Variants in DIS3 observed in about 807,000 individuals in gnomAD.
DIS3 encodes the protein exosome complex exonuclease RRP44.
Under a neutral mutation model 113.0 loss-of-function variants are expected in DIS3, and 103 were observed. That is an observed-to-expected ratio of 0.91 (90% confidence interval 0.78 to 1.07). DIS3 has a LOEUF of 1.07. DIS3 is among the 50% of genes least tolerant of loss of function. The pLI is 0.00. For synonymous variants in DIS3, 402 were observed against 394.3 expected (o/e 1.02, Z -0.23); for missense variants, 1,121 against 1,167.1 (o/e 0.96, Z 0.58).
intron 3 of DIS3, among the ~76,000 whole-genome samples, chr13:72,777,695 T>C (rs1462591367): frequency 6.6e-6 from 1 of 151,810 alleles, no homozygotes; most frequent in Admixed American, 6.6e-5. Flanking sequence ...TCAAGCTACC[T>C]TCCTGCCTTA....
rs143183542 is a variant in DIS3, at chr13:72,768,836, C to T, written c.1832G>A (p.Arg611His). 2.0e-4 allele frequency: 319 copies of T among 1,609,990 alleles called. No homozygotes were observed. The African/African-American group carries it at 3.5e-3, about 17-fold the overall frequency. ...AATTTTGGCTAGTTTATTCAGTCCA[C>T]GGAGACTAGTGGTAATATCATCATT... ...NMNDDITTSL[R>H]GLNKLAKILK... Residue 611 changes from arginine (R) to histidine (H), a missense_variant, in exon 14 of 21, where the codon CGT (arginine) becomes CAT (histidine). This residue lies in a region of DIS3 where 861 missense variants were observed against 915.5 expected (regional missense o/e 0.94). Coordinates refer to ENST00000377767, the MANE Select transcript of DIS3 (RefSeq NM_014953.5).
Position 72,761,481 on chromosome 13 carries a change from T to C in DIS3, c.2552A>G (p.Tyr851Cys), listed in dbSNP as rs764019855. 11 of 1,608,222 alleles carry C rather than the reference T, an allele frequency of 6.8e-6. No homozygotes were observed. The highest frequency in any genetic ancestry group is 2.7e-5 in the African/African-American group (2 of 74,616). ...GGCATTCTTTCTTACAAATAAAATATAGGCTTCTTCACTTACTATTCCTTT... is the reference window on the plus strand; with the variant it reads ...GGCATTCTTTCTTACAAATAAAATACAGGCTTCTTCACTTACTATTCCTTT... ...KSKGIVSEEA[Y>C]ILFVRKNAIV... Residue 851 changes from tyrosine (Y) to cysteine (C), a missense_variant, in exon 19 of 21, where the codon TAT becomes TGT. Around this residue, in one of 3 missense-constraint regions of DIS3, gnomAD observed 861 missense variants for 915.5 expected, o/e 0.94. Coordinates refer to ENST00000377767, the MANE Select transcript of DIS3 (RefSeq NM_014953.5).
intron 2 of DIS3, among the ~76,000 whole-genome samples, chr13:72,779,191 G>C (rs192199615): frequency 1.3e-5 from 2 of 150,902 alleles, no homozygotes; most frequent in African/African-American, 4.9e-5. Context: ...CATGATCTCA[G>C]CTTACTGCAA....
chr13:72,763,472 A>G lies in DIS3; in HGVS notation c.2106T>C (p.Leu702=). 1 of 1,613,370 alleles carries G rather than the reference A, an allele frequency of 6.2e-7. No individual in the cohort carries two copies. The highest frequency in any genetic ancestry group is 8.5e-7 in the Non-Finnish European group (1 of 1,179,856). Residue 702 remains leucine (L), a synonymous_variant, in exon 16 of 21, where the codon CTT becomes CTC. Transcript: ENST00000377767. The part of the protein sequence containing the change: ...PAPPPSNYEI[L]VKAARSRNLE... ...TTACCCTTGACCTGGCTGCCTTAAC[A>G]AGAATTTCATAATTTGATGGAGGTG...
At position 72,754,780 on chromosome 13, in the gene DIS3, A is replaced by G. The variant is rs2033400436; in HGVS notation, c.*5015T>C. 1 of 166,930 alleles carries G rather than the reference A, an allele frequency of 6.0e-6. No individual in the cohort carries two copies. Among genetic ancestry groups the G allele is most frequent in the South Asian group, 1.8e-4 (1 of 5,476 alleles). The allele number at this position is 166,930 out of a possible 1,614,324, so 10.3% of individuals were successfully genotyped here. On this transcript the variant is annotated 3_prime_UTR_variant, in exon 21 of 21. Coordinates refer to ENST00000377767, the MANE Select transcript of DIS3 (RefSeq NM_014953.5). The stretch of plus-strand genomic sequence containing the variant: ...ACCCAGGCTAGAGTGTAGTGGCACG[A>G]CCACAGCTCACTGTAGCCTTCACCT...
chr13:72,773,600 TAG>T (rs2033936448), intron 8 of DIS3, 82 bp downstream of exon 8: 23 of 1,411,392 alleles, frequency 1.6e-5, no homozygotes, highest in Non-Finnish European at 2.2e-5. Context: ...TACATAAAAG[TAG>T]ATTGTTTTTA....
At chr13:72,779,291 T>C (rs1185827414) in intron 2 of DIS3, among the ~76,000 whole-genome samples, 1 of 152,084 alleles carries the variant, frequency 6.6e-6, no homozygotes, top group Non-Finnish European at 1.5e-5. Flanking sequence ...AGCTAATTTT[T>C]GTATTTTTAA....
intron 1 of DIS3, chr13:72,781,254 T>C: frequency 1.9e-6 from 3 of 1,549,800 alleles, no homozygotes; most frequent in Non-Finnish European, 2.6e-6. Context: ...AAGGAATACG[T>C]TGGCCCACAT....
At chr13:72,766,882 ACTAAGT>A (rs1449632106) in intron 14 of DIS3, among the ~76,000 whole-genome samples, 8 of 152,200 alleles carry the variant, frequency 5.3e-5, no homozygotes, top group Admixed American at 6.5e-5. Context: ...TAAAAGAAAC[ACTAAGT>A]CTAAGTCCTT....
Position 72,764,435 on chromosome 13 carries a change from G to A in DIS3, c.1971-828C>T, listed in dbSNP as rs191093957. Among the ~76,000 whole-genome samples, 16 of 152,226 alleles carry A rather than the reference G, an allele frequency of 1.1e-4. 1 individual carries two copies. The East Asian group carries it at 3.1e-3, about 29-fold the overall frequency. On this transcript the variant is annotated intron_variant, in intron 15 of 20. Transcript: ENST00000377767. ...AGTCATTGTGCTATAAGTACATCCTGCCCTCAACACACACACCCACAAACT... is the reference window on the plus strand; with the variant it reads ...AGTCATTGTGCTATAAGTACATCCTACCCTCAACACACACACCCACAAACT...
intron 5 of DIS3, 145 bp downstream of exon 5, chr13:72,775,780 C>CAA (rs34507729): frequency 2.2e-4 from 126 of 573,600 alleles, no homozygotes; most frequent in Non-Finnish European, 2.6e-4. Context: ...GTGAGCACTG[C>CAA]AAAAAAAAAA....
chr13:72,775,340 A>T lies in DIS3; in HGVS notation c.858T>A (p.Ala286=), dbSNP rs776275700. 3.1e-6 allele frequency: 5 copies of T among 1,613,044 alleles called. No homozygotes were observed. The South Asian group carries it at 5.5e-5, about 18-fold the overall frequency. ...CCACAGCCACAATATCTTCGTGAAC[A>T]GCTCTGTTTAAATGTTTAAGTCCCT... ...ILQGLKHLNR[A]VHEDIVAVEL... The change falls in exon 6 of 21, where the codon GCT becomes GCA. Residue 286 remains alanine (A), a synonymous_variant. Transcript: ENST00000377767.
At position 72,762,030 on chromosome 13, in the gene DIS3, A is replaced by T. The variant is rs776587477; in HGVS notation, c.2235T>A (p.Thr745=). 6.2e-7 allele frequency: 1 copy of T among 1,614,156 alleles called. No individual in the cohort carries two copies. The highest frequency in any genetic ancestry group is 1.1e-5 in the South Asian group (1 of 91,082). Reference sequence around the variant, plus strand: ...AGTACACAGCTTGCATCATACAGCGAGTGGCTAATATTCTCAACAGAGTGT... The same window carrying T: ...AGTACACAGCTTGCATCATACAGCGTGTGGCTAATATTCTCAACAGAGTGT... ...YLNTLLRILA[T]RCMMQAVYFC... is the part of the protein sequence containing the mutation. The change falls in exon 17 of 21, where the codon ACT becomes ACA. Residue 745 remains threonine, a synonymous_variant. Transcript: ENST00000377767.
intron 15 of DIS3, among the ~76,000 whole-genome samples, chr13:72,765,350 A>G (rs1012592197): frequency 1.3e-5 from 2 of 152,132 alleles, no homozygotes; most frequent in Admixed American, 6.5e-5. Flanking sequence ...TTCATAACCC[A>G]TGATCTTCAC....
rs1463989711 is a variant in DIS3 at position 72,768,898 on chromosome 13, A to T, written c.1770T>A (p.Tyr590Ter). 3 of 1,594,884 alleles carry T rather than the reference A, an allele frequency of 1.9e-6. No individual in the cohort carries two copies. The highest frequency in any genetic ancestry group is 2.7e-5 in the African/African-American group (2 of 74,358). The change falls in exon 14 of 21, where the codon TAT (tyrosine) becomes TAA (stop). Residue 590 changes from tyrosine (Y) to a stop codon, truncating the protein, a stop_gained. Coordinates refer to ENST00000377767, the MANE Select transcript of DIS3 (RefSeq NM_014953.5). LOFTEE classifies it high-confidence loss of function. ...AATCAATTCTCAACTGAGCTTCAGC[A>T]TACGTCAGAGATGCCTAAAAAAGAA... The part of the protein sequence containing the change: ...SVINSKASLT[Y>*]AEAQLRIDSA...
In DIS3 at chr13:72,759,408, T is replaced by C. The variant is rs1004122957; in HGVS notation, c.*387A>G. 5.3e-5 allele frequency: 12 copies of C among 225,964 alleles called. No homozygotes were observed. Among genetic ancestry groups the C allele is most frequent in the Admixed American group, 5.1e-4 (9 of 17,604 alleles). 14.0% of individuals were successfully genotyped at this position (225,964 alleles called of 1,614,324 possible). On this transcript the variant is annotated 3_prime_UTR_variant, in exon 21 of 21. Transcript: ENST00000377767. ...GATTGTTCCTTGCTTCTAAAATTGT[T>C]CTATTTTCCTCTGTAGGAAAATGAA...
Position 72,778,364 on chromosome 13 carries a change from GTTC to G in DIS3, c.400_402del (p.Glu134del). On this transcript the variant is annotated inframe_deletion, in exon 3 of 21. Transcript: ENST00000377767. The stretch of plus-strand genomic sequence containing the variant: ...TCATTAGCATTTTCTCCCTGTTCTT[GTTC>G]TACATAGGTTTCTCTAAATGGAAAG... 1 of 1,567,532 alleles carries G rather than the reference GTTC, an allele frequency of 6.4e-7. No individual in the cohort carries two copies. Among genetic ancestry groups the G allele is most frequent in the Non-Finnish European group, 8.7e-7 (1 of 1,145,508 alleles).
intron 3 of DIS3, 80 bp downstream of exon 3, chr13:72,778,107 G>T: frequency 1.6e-6 from 2 of 1,213,470 alleles, no homozygotes; most frequent in Non-Finnish European, 2.2e-6. Flanking sequence ...ATAGTAAAGT[G>T]AACATCTGAC....
In DIS3 at chr13:72,758,807, C is replaced by G. The variant is rs1271809792; in HGVS notation, c.*988G>C. ...CAGAGATAATTTACTTGAGTGGAAC[C>G]TGGCACAACGTAAGTGCTTTAGAAA... On this transcript the variant is annotated 3_prime_UTR_variant, in exon 21 of 21. Coordinates refer to ENST00000377767, the MANE Select transcript of DIS3 (RefSeq NM_014953.5). 2 of 196,954 alleles carry G rather than the reference C, an allele frequency of 1.0e-5. No individual in the cohort carries two copies. The highest frequency in any genetic ancestry group is 7.9e-5 in the East Asian group (1 of 12,698). The allele number at this position is 196,954 out of a possible 1,614,324, so 12.2% of individuals were successfully genotyped here.
Sources: gnomAD v4.1 joint callset for allele counts (sites outside exome capture counted in the v4.1 genomes callset) on GRCh38, gnomAD v4.1.1 for gene constraint, gnomAD v4.1.1 regional missense constraint, MANE v1.5 for transcripts, NCBI Gene and HGNC (gene_info 2026-07-23, HGNC 2026-07-21) for gene names.